Variants in ATP9B observed in about 807,000 individuals in gnomAD.
The protein encoded by ATP9B is probable phospholipid-transporting ATPase IIB.
In ATP9B, 110 loss-of-function variants were observed where a neutral mutation model predicts 146.1. The ratio of observed to expected loss-of-function variants is 0.75; its 90% CI spans 0.65 to 0.88. ATP9B has a LOEUF of 0.88. ATP9B is among the 40% of genes least tolerant of loss of function. The pLI is 0.00. For missense variants in ATP9B, 1,499 were observed against 1,496.4 expected, an observed-to-expected ratio of 1.00 and a Z score of -0.03; for synonymous variants, 604 against 569.7, an observed-to-expected ratio of 1.06 and a Z score of -0.86.
chr18:79,313,324 A>G (rs1320325305), intron 15 of ATP9B, among the ~76,000 whole-genome samples: 1 of 152,196 alleles, frequency 6.6e-6, no homozygotes, highest in Non-Finnish European at 1.5e-5. Flanking sequence ...TCTTCTTAGC[A>G]TTCTAGTGTG....
At chr18:79,327,011 G>A (rs1178858785) in intron 15 of ATP9B, among the ~76,000 whole-genome samples, 1 of 152,198 alleles carries the variant, frequency 6.6e-6, no homozygotes, top group Non-Finnish European at 1.5e-5. Context: ...TTTGCCCAGG[G>A]TTCGGTCCTA....
At chr18:79,307,427 A>G (rs994072394) in intron 15 of ATP9B, 193 bp downstream of exon 15, 2 of 797,810 alleles carry the variant, frequency 2.5e-6, no homozygotes, top group East Asian at 2.8e-5. Context: ...GGCCTTGCAC[A>G]TGCAAATGTG....
chr18:79,285,412 A>G (rs914066396), intron 13 of ATP9B, among the ~76,000 whole-genome samples: 1 of 152,226 alleles, frequency 6.6e-6, no homozygotes, highest in Non-Finnish European at 1.5e-5. Flanking sequence ...GGCTGCATAA[A>G]TGTCTTCTTT....
At chr18:79,142,855 T>A (rs375667938) in intron 5 of ATP9B, among the ~76,000 whole-genome samples, 1 of 152,232 alleles carries the variant, frequency 6.6e-6, no homozygotes, top group East Asian at 1.9e-4. Flanking sequence ...GGAAATACGA[T>A]CTTTTAATAA....
chr18:79,287,610 A>G (rs1422481250), intron 13 of ATP9B, among the ~76,000 whole-genome samples: 8 of 150,462 alleles, frequency 5.3e-5, no homozygotes, highest in African/African-American at 7.3e-5. Flanking sequence ...TTGTGTCTCT[A>G]TTTCCTTCAG....
At chr18:79,299,986 T>C in intron 13 of ATP9B, 1 of 152,192 alleles carries the variant, frequency 6.6e-6, no homozygotes, top group Non-Finnish European at 1.5e-5. Context: ...GTGGATGCTT[T>C]GATTGGTAAG....
intron 5 of ATP9B, among the ~76,000 whole-genome samples, chr18:79,128,428 G>T (rs943304753): frequency 2.0e-5 from 3 of 152,154 alleles, no homozygotes; most frequent in Non-Finnish European, 4.4e-5. Context: ...ATATTCTTTT[G>T]TATGAATATC....
chr18:79,253,506 G>A lies in ATP9B; in HGVS notation c.1233G>A (p.Arg411=). The change falls in exon 12 of 30, where the codon CGG becomes CGA. Residue 411 remains arginine (R), a synonymous_variant. Transcript: ENST00000426216. ...FVGPWYRNLF[R]FLLLFSYIIP... is the part of the protein sequence containing the mutation. The stretch of plus-strand genomic sequence containing the variant: ...GTCCATGGTACCGCAATCTTTTTCG[G>A]TTCCTTCTCCTCTTTTCTTACATCA... The A allele has an allele frequency of 1.9e-6, 3 of 1,605,220 alleles. No individual in the cohort carries two copies. The highest frequency in any genetic ancestry group is 2.5e-6 in the Non-Finnish European group (3 of 1,177,222).
At chr18:79,162,772 G>C (rs578029990) in intron 7 of ATP9B, among the ~76,000 whole-genome samples, 1 of 152,278 alleles carries the variant, frequency 6.6e-6, no homozygotes, top group Admixed American at 6.5e-5. Context: ...TCTTTTGTTG[G>C]CCGTATACCC....
chr18:79,198,984 C>T (rs1187211124), intron 9 of ATP9B, among the ~76,000 whole-genome samples: 2 of 151,824 alleles, frequency 1.3e-5, no homozygotes. Context: ...GACAGTCTCA[C>T]TCTGTTGCCC....
At chr18:79,328,254 T>G (rs2096772084) in intron 15 of ATP9B, among the ~76,000 whole-genome samples, 1 of 152,214 alleles carries the variant, frequency 6.6e-6, no homozygotes, top group Non-Finnish European at 1.5e-5. Context: ...AGGATTGGCA[T>G]ACCCTATTTA....
At chr18:79,109,065 C>T (rs575190971) in intron 2 of ATP9B, among the ~76,000 whole-genome samples, 1 of 152,314 alleles carries the variant, frequency 6.6e-6, no homozygotes, top group South Asian at 2.1e-4. Context: ...CAGCCTTATG[C>T]TGTCATTTTC....
chr18:79,182,471 A>G (rs2095262225), intron 8 of ATP9B, among the ~76,000 whole-genome samples: 1 of 152,152 alleles, frequency 6.6e-6, no homozygotes, highest in Admixed American at 6.5e-5. Context: ...TAAATTCAGA[A>G]CAGCTGCCTC....
At chr18:79,291,010 C>T (rs2096497581) in intron 13 of ATP9B, among the ~76,000 whole-genome samples, 1 of 152,162 alleles carries the variant, frequency 6.6e-6, no homozygotes, top group South Asian at 2.1e-4. Context: ...ACCTCTGCAG[C>T]TGTGTCTCAG....
chr18:79,140,745 A>G (rs1438367593), intron 5 of ATP9B, among the ~76,000 whole-genome samples: 2 of 152,114 alleles, frequency 1.3e-5, no homozygotes, highest in African/African-American at 4.8e-5. Context: ...GCACCACTGC[A>G]CTCCAGCCTG....
rs758282012 is a variant in ATP9B, at chr18:79,152,582, A to G, written c.727-1922A>G. ...TTTATTAAGCATCCTTACCTCTCAA[A>G]AAGTCATGAAAATATTCTTGTCATG... On this transcript the variant is annotated intron_variant, in intron 6 of 29. Transcript: ENST00000426216. Among the ~76,000 whole-genome samples, 3 of 152,322 alleles carry G rather than the reference A, an allele frequency of 2.0e-5. No homozygotes were observed. The East Asian group carries it at 5.8e-4, about 29-fold the overall frequency.
At chr18:79,212,647 C>T (rs998139424) in intron 10 of ATP9B, among the ~76,000 whole-genome samples, 1 of 152,146 alleles carries the variant, frequency 6.6e-6, no homozygotes, top group Non-Finnish European at 1.5e-5. Flanking sequence ...TTTAGCTTCA[C>T]TGATGTGAAG....
chr18:79,184,271 A>G (rs1269607352), intron 8 of ATP9B, among the ~76,000 whole-genome samples: 1 of 152,230 alleles, frequency 6.6e-6, no homozygotes, highest in Non-Finnish European at 1.5e-5. Flanking sequence ...GCTGATGCAC[A>G]AAGACCTAGC....
intron 16 of ATP9B, 128 bp downstream of exon 16, chr18:79,329,430 GTT>G (rs564440689): frequency 2.0e-4 from 159 of 807,932 alleles, no homozygotes; most frequent in Middle Eastern, 3.7e-4. Context: ...AGTTTTGTTT[GTT>G]TTTTTTTTTT....
Sources: allele counts gnomAD v4.1 joint callset (sites outside exome capture counted in the v4.1 genomes callset), GRCh38; gene constraint gnomAD v4.1.1; transcripts MANE v1.5; gene names NCBI Gene and HGNC (gene_info 2026-07-23, HGNC 2026-07-21).